The following JPH1 variants were observed in gnomAD, a reference collection of about 807,000 sequenced individuals.
JPH1 encodes junctophilin-1.
JPH1 carries 12 observed loss-of-function variants against 53.6 expected under a neutral mutation model. The ratio of observed to expected loss-of-function variants is 0.22; its 90% CI spans 0.14 to 0.36. The LOEUF (loss-of-function observed/expected upper bound fraction) is 0.36, where lower values mean the gene tolerates loss of function less well. Ranked by LOEUF, JPH1 falls within the 10% of genes least tolerant of loss-of-function variation. The probability of loss-of-function intolerance (pLI) is 1.00; values close to 1 mark genes in which losing one functional copy is unlikely to be tolerated. For synonymous variants in JPH1, 375 were observed against 363.8 expected, an observed-to-expected ratio of 1.03 and a Z score of -0.35; for missense variants, 808 against 905.5, an observed-to-expected ratio of 0.89 and a Z score of 1.38.
chr8:74,259,145 CAA>C (rs1806318586), intron 3 of JPH1, among the ~76,000 whole-genome samples: 1 of 152,202 alleles, frequency 6.6e-6, no homozygotes, highest in Non-Finnish European at 1.5e-5. Context: ...GTTCCCAGCT[CAA>C]GAGATCTCAC....
intron 3 of JPH1, among the ~76,000 whole-genome samples, chr8:74,258,160 T>C (rs566332153): frequency 6.6e-6 from 1 of 152,312 alleles, no homozygotes; most frequent in Non-Finnish European, 1.5e-5. Flanking sequence ...ACCTACCTCA[T>C]GCAGGGTGCT....
chr8:74,310,947 G>C (rs1373814032), intron 2 of JPH1, among the ~76,000 whole-genome samples: 1 of 152,200 alleles, frequency 6.6e-6, no homozygotes, highest in Admixed American at 6.5e-5. Context: ...CCCTGCCTCT[G>C]AATGTGAGGG....
chr8:74,292,609 A>G (rs975563655), intron 2 of JPH1, among the ~76,000 whole-genome samples: 1 of 152,102 alleles, frequency 6.6e-6, no homozygotes, highest in African/African-American at 2.4e-5. Context: ...TAAAATGAAG[A>G]TATTTTAATA....
chr8:74,251,127 T>C (rs1381818261), intron 3 of JPH1, among the ~76,000 whole-genome samples: 1 of 152,210 alleles, frequency 6.6e-6, no homozygotes, highest in Non-Finnish European at 1.5e-5. Context: ...CATAGTTCCC[T>C]GCATCCTTCC....
intron 2 of JPH1, among the ~76,000 whole-genome samples, chr8:74,306,999 T>C (rs1229213414): frequency 1.3e-5 from 2 of 152,296 alleles, no homozygotes; most frequent in African/African-American, 4.8e-5. Flanking sequence ...CACTTTTCAG[T>C]CTTAAAAAAA....
intron 2 of JPH1, among the ~76,000 whole-genome samples, chr8:74,299,433 T>C (rs1807612538): frequency 6.6e-6 from 1 of 152,172 alleles, no homozygotes; most frequent in South Asian, 2.1e-4. Context: ...CTTGTGTCAA[T>C]CACTGAGTTT....
At chr8:74,316,421 C>T (rs1303184629) in intron 1 of JPH1, among the ~76,000 whole-genome samples, 1 of 152,256 alleles carries the variant, frequency 6.6e-6, no homozygotes, top group African/African-American at 2.4e-5. Flanking sequence ...AATCACACCA[C>T]AGACTAGAAG....
intron 2 of JPH1, among the ~76,000 whole-genome samples, chr8:74,299,155 C>G (rs1328214120): frequency 6.6e-6 from 1 of 152,142 alleles, no homozygotes; most frequent in African/African-American, 2.4e-5. Context: ...CTTAGCTTCC[C>G]TTTAAAATGT....
intron 2 of JPH1, among the ~76,000 whole-genome samples, chr8:74,276,519 G>C (rs1346891840): frequency 6.6e-6 from 1 of 152,204 alleles, no homozygotes; most frequent in Non-Finnish European, 1.5e-5. Context: ...ATACACTGAC[G>C]ATATTAAGTC....
chr8:74,286,828 T>C (rs2131426447), intron 2 of JPH1, among the ~76,000 whole-genome samples: 1 of 152,354 alleles, frequency 6.6e-6, no homozygotes, highest in South Asian at 2.1e-4. Flanking sequence ...ATGTTTGATC[T>C]TCCTAAAGTG....
intron 2 of JPH1, among the ~76,000 whole-genome samples, chr8:74,292,203 C>T (rs4571724): frequency 6.6e-6 from 1 of 151,950 alleles, no homozygotes; most frequent in South Asian, 2.1e-4. Context: ...CAGAAAAAAA[C>T]GTTCTGAAAA....
chr8:74,246,679 A>G (rs1052186427), intron 3 of JPH1, among the ~76,000 whole-genome samples: 2 of 152,218 alleles, frequency 1.3e-5, no homozygotes, highest in Non-Finnish European at 2.9e-5. Context: ...AGCCAGAGAC[A>G]AGAATTCCTG....
intron 3 of JPH1, among the ~76,000 whole-genome samples, chr8:74,251,330 T>A (rs555973920): frequency 6.6e-6 from 1 of 152,312 alleles, no homozygotes; most frequent in African/African-American, 2.4e-5. Context: ...GGAAATCCTG[T>A]GGTTCTTAAA....
intron 2 of JPH1, among the ~76,000 whole-genome samples, chr8:74,288,474 A>G (rs528792676): frequency 6.6e-6 from 1 of 152,336 alleles, no homozygotes; most frequent in East Asian, 1.9e-4. Flanking sequence ...GGGAAAGTAG[A>G]GCCAGACATC....
intron 3 of JPH1, among the ~76,000 whole-genome samples, chr8:74,255,274 G>C (rs1040180007): frequency 2.8e-4 from 42 of 152,006 alleles, no homozygotes; most frequent in Non-Finnish European, 4.7e-4. Context: ...TGACAAACTT[G>C]ACAAAAACAA....
Position 74,245,181 on chromosome 8 carries a change from CAAAAAAAAAAGAAAA to C in JPH1, c.1259-21_1259-7del. 1 of 1,251,820 alleles carries C rather than the reference CAAAAAAAAAAGAAAA, an allele frequency of 8.0e-7. No individual in the cohort carries two copies. Among genetic ancestry groups the C allele is most frequent in the Non-Finnish European group, 1.0e-6 (1 of 956,402 alleles). 77.5% of individuals were successfully genotyped at this position (1,251,820 alleles called of 1,614,324 possible). A position where few individuals can be genotyped will look rare whatever the true frequency, so the allele number is the denominator to read the frequency against. ...CTGTTTGACGTAATCAGGGCCTGGC[CAAAAAAAAAAGAAAA>C]AAGAAAAAAAGAAAGGAGGTATATA... On this transcript the variant is annotated splice_polypyrimidine_tract_variant and splice_region_variant and intron_variant, in intron 3 of 5. Coordinates refer to ENST00000342232, the MANE Select transcript of JPH1 (RefSeq NM_020647.4).
intron 3 of JPH1, among the ~76,000 whole-genome samples, chr8:74,258,146 G>A (rs117885334): frequency 6.6e-6 from 1 of 152,108 alleles, no homozygotes; most frequent in African/African-American, 2.4e-5. Context: ...AACATGAATC[G>A]AACACCTACC....
intron 2 of JPH1, among the ~76,000 whole-genome samples, chr8:74,277,943 C>T (rs1355466231): frequency 2.0e-5 from 3 of 152,156 alleles, no homozygotes; most frequent in Middle Eastern, 3.4e-3. Flanking sequence ...ACCAGTGTTG[C>T]TTTTTTTGTT....
At position 74,303,112 on chromosome 8, in the gene JPH1, T is replaced by C. The variant is rs542674661; in HGVS notation, c.1139+11749A>G. On this transcript the variant is annotated intron_variant, in intron 2 of 5. Transcript: ENST00000342232. ...AGGCAACAAATTCCTAGTCACTTAATGTGAGAACTGCTTTACTTGTACTTC... is the reference window on the plus strand; with the variant it reads ...AGGCAACAAATTCCTAGTCACTTAACGTGAGAACTGCTTTACTTGTACTTC... Among the ~76,000 whole-genome samples the C allele has an allele frequency of 4.4e-4, 67 of 152,328 alleles. 1 individual carries two copies. Among genetic ancestry groups the C allele is most frequent in the Admixed American group, 4.0e-3 (61 of 15,306 alleles).
Sources: gnomAD v4.1 joint callset for allele counts (sites outside exome capture counted in the v4.1 genomes callset) on GRCh38, gnomAD v4.1.1 for gene constraint, MANE v1.5 for transcripts, NCBI Gene and HGNC (gene_info 2026-07-23, HGNC 2026-07-21) for gene names.